Variants in TP73 observed in about 807,000 individuals in gnomAD.
TP73 encodes the protein p53-like transcription factor.
In TP73, 25 loss-of-function variants were observed where a neutral mutation model predicts 62.5. That is an observed-to-expected ratio of 0.40 (90% CI 0.29 to 0.56). The LOEUF (loss-of-function observed/expected upper bound fraction) is 0.56, where lower values mean the gene tolerates loss of function less well. TP73 is among the 20% of genes least tolerant of loss of function. The pLI is 0.46. For synonymous variants in TP73, 423 were observed against 377.5 expected (o/e 1.12, Z -1.40); for missense variants, 754 against 913.3 (o/e 0.83, Z 2.25).
In TP73 at chr1:3,696,083, G is replaced by A. The variant is rs1236010543; in HGVS notation, c.187-11466G>A. ...AGCCGCATGCAGGGAGGAGGACGAC[G>A]AGCGAGCAGTTCCCAAAGCCCCATG... is the stretch of plus-strand genomic sequence containing the variant. On this transcript the variant is annotated intron_variant, in intron 3 of 13. Coordinates refer to ENST00000378295, the MANE Select transcript of TP73 (RefSeq NM_005427.4). The surrounding 1 kb of genome is among the most constrained non-coding windows in gnomAD (Gnocchi z 4.1). 3.3e-5 allele frequency among the ~76,000 whole-genome samples: 5 copies of A among 152,174 alleles called. No individual in the cohort carries two copies. Among genetic ancestry groups the A allele is most frequent in the African/African-American group, 4.8e-5 (2 of 41,442 alleles).
At chr1:3,725,018 CAAA>C (rs777200762) in intron 6 of TP73, among the ~76,000 whole-genome samples, 1 of 121,240 alleles carries the variant, frequency 8.2e-6, no homozygotes, top group African/African-American at 3.1e-5. Context: ...GACTCCGTCT[CAAA>C]AAAAAAAAAA....
chr1:3,716,055 A>G (rs1640570395), intron 4 of TP73, among the ~76,000 whole-genome samples: 2 of 152,156 alleles, frequency 1.3e-5, no homozygotes, highest in South Asian at 4.1e-4. Flanking sequence ...GGTGGGGCAG[A>G]CTGCCCAGCT....
At chr1:3,674,245 C>T (rs1486536874) in intron 1 of TP73, among the ~76,000 whole-genome samples, 2 of 152,204 alleles carry the variant, frequency 1.3e-5, no homozygotes, top group South Asian at 2.1e-4. Flanking sequence ...AGGGATTCCC[C>T]CAGACTGTCC....
chr1:3,667,276 C>G (rs2102032794), intron 1 of TP73, among the ~76,000 whole-genome samples: 1 of 152,364 alleles, frequency 6.6e-6, no homozygotes, highest in South Asian at 2.1e-4. Context: ...GCAGCCAGCC[C>G]TGCCCGCAGT....
chr1:3,734,326 G>C lies in TP73; in HGVS notation c.*1247G>C, dbSNP rs1335296967. The stretch of plus-strand genomic sequence containing the variant: ...TTCTGGGGCCACCTCCATCCACGAG[G>C]AGCAGCCTGAGCCTTGGTGGCCGAA... On this transcript the variant is annotated 3_prime_UTR_variant, in exon 14 of 14. Coordinates refer to ENST00000378295, the MANE Select transcript of TP73 (RefSeq NM_005427.4). The surrounding 1 kb of genome is among the most constrained non-coding windows in gnomAD (Gnocchi z 4.4). 6.6e-6 allele frequency: 1 copy of C among 152,310 alleles called. No homozygotes were observed. Among genetic ancestry groups the C allele is most frequent in the Non-Finnish European group, 1.5e-5 (1 of 68,124 alleles). The allele number at this position is 152,310 out of a possible 1,614,324, so 9.4% of individuals were successfully genotyped here.
At position 3,729,448 on chromosome 1, in the gene TP73, C is replaced by A. The variant is rs752956868; in HGVS notation, c.1196C>A (p.Pro399Gln). ...CAGCAGCAGCAGCTCCTACAGAGGC[C>A]GTGAGTCAGCCCTAGCCCACCATCA... ...YRQQQQLLQR[P>Q]SHLQPPSYGP... The change falls in exon 10 of 14, where the codon CCG becomes CAG. Residue 399 changes from proline (P) to glutamine (Q), a missense_variant and splice_region_variant. Physicochemically the swap from Pro to Gln is moderately conservative, Grantham distance 76. Transcript: ENST00000378295. 6.2e-7 allele frequency: 1 copy of A among 1,612,526 alleles called. No individual in the cohort carries two copies. The highest frequency in any genetic ancestry group is 1.3e-5 in the African/African-American group (1 of 74,898).
rs1309721122 is a variant in TP73, at chr1:3,733,827, G to A, written c.*748G>A. ...CTGGCCACAGTCGCCTCTCCTCGGG[G>A]ACCCCTCAGCAGAAAGGGACAGCCT... On this transcript the variant is annotated 3_prime_UTR_variant, in exon 14 of 14. Coordinates refer to ENST00000378295, the MANE Select transcript of TP73 (RefSeq NM_005427.4). The A allele has an allele frequency of 6.6e-6, 1 of 151,980 alleles. No individual in the cohort carries two copies. Among genetic ancestry groups the A allele is most frequent in the African/African-American group, 2.4e-5 (1 of 41,372 alleles). 9.4% of individuals were successfully genotyped at this position (151,980 alleles called of 1,614,324 possible).
intron 1 of TP73, among the ~76,000 whole-genome samples, chr1:3,654,676 G>A (rs549019851): frequency 3.9e-5 from 6 of 152,328 alleles, no homozygotes; most frequent in East Asian, 1.9e-4. Flanking sequence ...TTCCAGAGCT[G>A]GGAGAGCCAG....
chr1:3,725,549 A>G (rs1641444735), intron 6 of TP73, among the ~76,000 whole-genome samples: 1 of 50,838 alleles, frequency 2.0e-5, no homozygotes, highest in South Asian at 8.1e-4. Context: ...GGGTGGGCGG[A>G]TGGATGGGGT....
intron 4 of TP73, 67 bp from the exon 5 acceptor site, chr1:3,721,954 G>C: frequency 6.7e-7 from 1 of 1,496,810 alleles, no homozygotes; most frequent in South Asian, 1.3e-5. Context: ...GCTCCCAATG[G>C]GGGGTGGCCT....
intron 3 of TP73, among the ~76,000 whole-genome samples, chr1:3,700,283 TTC>T: frequency 6.6e-6 from 1 of 152,216 alleles, no homozygotes; most frequent in South Asian, 2.1e-4. Context: ...GCTGGCAGGT[TTC>T]TCTGTTGTCA....
chr1:3,688,790 T>TG (rs1645731893), intron 3 of TP73, among the ~76,000 whole-genome samples: 1 of 152,114 alleles, frequency 6.6e-6, no homozygotes, highest in African/African-American at 2.4e-5. Flanking sequence ...ATGCTAAGGG[T>TG]GGAGAGATGC....
At chr1:3,707,903 GGTTC>G in intron 4 of TP73, 112 bp downstream of exon 4, 4 of 1,468,268 alleles carry the variant, frequency 2.7e-6, no homozygotes, top group Non-Finnish European at 3.6e-6. Context: ...GTCTGCTCGG[GGTTC>G]CCACCTGGCC....
chr1:3,685,910 C>T (rs375329231), intron 3 of TP73, among the ~76,000 whole-genome samples: 3 of 152,360 alleles, frequency 2.0e-5, no homozygotes, highest in South Asian at 2.1e-4. Context: ...AGCCCCACCA[C>T]GAGGCTGGTG....
Position 3,683,128 on chromosome 1 carries a change from C to T in TP73, c.134C>T (p.Thr45Met), listed in dbSNP as rs148777835. 125 of 1,612,548 alleles carry T rather than the reference C, an allele frequency of 7.8e-5. No homozygotes were observed. The highest frequency in any genetic ancestry group is 8.1e-5 in the Non-Finnish European group (95 of 1,179,092). ...GGGAATAATGAGGTGGTGGGCGGAACGGATTCCAGCATGGACGTCTTCCAC... is the reference window on the plus strand; with the variant it reads ...GGGAATAATGAGGTGGTGGGCGGAATGGATTCCAGCATGGACGTCTTCCAC... Reference protein sequence around the residue: ...SRGNNEVVGGTDSSMDVFHLE... With the variant: ...SRGNNEVVGGMDSSMDVFHLE... Residue 45 changes from threonine (T) to methionine (M), a missense_variant, in exon 3 of 14, where the codon ACG becomes ATG. Thr to Met is a moderately conservative substitution (Grantham distance 81, BLOSUM62 -1). Transcript: ENST00000378295.
At chr1:3,704,478 G>C (rs948759524) in intron 3 of TP73, among the ~76,000 whole-genome samples, 1 of 152,156 alleles carries the variant, frequency 6.6e-6, no homozygotes, top group African/African-American at 2.4e-5. Context: ...AGCCATGGGG[G>C]ACATGCGAGC....
At chr1:3,705,524 G>A (rs1296296916) in intron 3 of TP73, among the ~76,000 whole-genome samples, 1 of 152,256 alleles carries the variant, frequency 6.6e-6, no homozygotes, top group Non-Finnish European at 1.5e-5. Context: ...CTTCAGCCGA[G>A]GCCTCGTGCC....
At chr1:3,685,495 G>C (rs1375286651) in intron 3 of TP73, among the ~76,000 whole-genome samples, 1 of 152,252 alleles carries the variant, frequency 6.6e-6, no homozygotes, top group African/African-American at 2.4e-5. Flanking sequence ...GGCAGGCCCA[G>C]GCCTGCGTGG....
intron 3 of TP73, among the ~76,000 whole-genome samples, chr1:3,684,046 G>A (rs1300231621): frequency 6.6e-6 from 1 of 152,222 alleles, no homozygotes; most frequent in Non-Finnish European, 1.5e-5. Context: ...TGGGGGCCAC[G>A]CTCCTGCCTA....
Sources: allele counts gnomAD v4.1 joint callset (sites outside exome capture counted in the v4.1 genomes callset), GRCh38; gene constraint gnomAD v4.1.1; non-coding constraint Gnocchi (gnomAD v3.1); transcripts MANE v1.5; gene names NCBI Gene and HGNC (gene_info 2026-07-23, HGNC 2026-07-21).